Variants in PLXDC2 observed in about 807,000 individuals in gnomAD.
The protein encoded by PLXDC2 is plexin domain containing 2.
In PLXDC2, 40 loss-of-function variants were observed where a neutral mutation model predicts 68.9. The ratio of observed to expected loss-of-function variants is 0.58; its 90% CI spans 0.45 to 0.76. The LOEUF (loss-of-function observed/expected upper bound fraction) is 0.76, where lower values mean the gene tolerates loss of function less well. Ranked by LOEUF, PLXDC2 falls within the 30% of genes least tolerant of loss-of-function variation. The pLI, the probability that PLXDC2 is intolerant of heterozygous loss-of-function variation, is 0.00. For missense variants in PLXDC2, 644 were observed against 661.9 expected (o/e 0.97, Z 0.30); for synonymous variants, 243 against 234.2 (o/e 1.04, Z -0.34).
intron 2 of PLXDC2, among the ~76,000 whole-genome samples, chr10:20,038,362 G>A (rs962491265): frequency 6.6e-6 from 1 of 152,168 alleles, no homozygotes; most frequent in African/African-American, 2.4e-5. Flanking sequence ...AATTCTTGGG[G>A]AAATGATGAA....
At chr10:20,067,054 CT>C (rs1256354595) in intron 3 of PLXDC2, among the ~76,000 whole-genome samples, 4 of 151,916 alleles carry the variant, frequency 2.6e-5, no homozygotes, top group Admixed American at 6.6e-5. Flanking sequence ...TGTTTCTTGC[CT>C]GATAATAATA....
In PLXDC2 at chr10:20,082,759, A is replaced by G. The variant is rs80052942; in HGVS notation, c.541+14520A>G. On this transcript the variant is annotated intron_variant, in intron 4 of 13. Coordinates refer to ENST00000377252, the MANE Select transcript of PLXDC2 (RefSeq NM_032812.9). ...TGTATAAGGATATCCACTGCTAAAG[A>G]CTGAAAACCACCTAACGCCCATCAC... 3.7e-3 allele frequency among the ~76,000 whole-genome samples: 556 copies of G among 152,290 alleles called. 12 individuals carry two copies. In the East Asian group the frequency reaches 0.041, roughly 11 times the overall value.
intron 12 of PLXDC2, among the ~76,000 whole-genome samples, chr10:20,243,304 G>A (rs1012654981): frequency 6.6e-6 from 1 of 152,092 alleles, no homozygotes; most frequent in Admixed American, 6.5e-5. Flanking sequence ...AATAATAATA[G>A]TGCCTACCTC....
At chr10:20,005,723 G>A (rs1353517950) in intron 2 of PLXDC2, among the ~76,000 whole-genome samples, 1 of 152,046 alleles carries the variant, frequency 6.6e-6, no homozygotes, top group African/African-American at 2.4e-5. Flanking sequence ...TCTCCTCAAC[G>A]CACTCATCAC....
At chr10:20,162,065 AGAGAGAGAAGGAAGGAAGGAAGGAAG>A (rs1334849392) in intron 6 of PLXDC2, among the ~76,000 whole-genome samples, 4 of 50,424 alleles carry the variant, frequency 7.9e-5, no homozygotes, top group Non-Finnish European at 1.1e-4. Context: ...AGAGAGAGAG[AGAGAGAGAAGGAAGGAAGGAAGGAAG>A]GAAGGAAGGA....
At chr10:19,824,613 C>T (rs1212390193) in intron 1 of PLXDC2, among the ~76,000 whole-genome samples, 1 of 152,156 alleles carries the variant, frequency 6.6e-6, no homozygotes, top group Non-Finnish European at 1.5e-5. Flanking sequence ...CCCTCACTGC[C>T]TCCCACACAA....
At chr10:20,072,544 A>AAAGAAAGAAAGAAAGAAAG (rs1554764553) in intron 4 of PLXDC2, among the ~76,000 whole-genome samples, 3,621 of 117,810 alleles carry the variant, frequency 0.031, 129 homozygotes, top group South Asian at 0.05. Context: ...AGAAAGAAAG[A>AAAGAAAGAAAGAAAGAAAG]AAGAAAGAAA....
rs140648707 is a variant in PLXDC2 at position 20,218,249 on chromosome 10, C to T, written c.1273+673C>T. On this transcript the variant is annotated intron_variant, in intron 11 of 13. Transcript: ENST00000377252. ...GAGGGCAGAAACATAAGACTGGCCACGAATCAGGTTTGAGGGGGATAAATG... is the reference window on the plus strand; with the variant it reads ...GAGGGCAGAAACATAAGACTGGCCATGAATCAGGTTTGAGGGGGATAAATG... Among the ~76,000 whole-genome samples, 407 of 152,000 alleles carry T rather than the reference C, an allele frequency of 2.7e-3. 3 individuals are homozygous for T. Among genetic ancestry groups the T allele is most frequent in the African/African-American group, 9.5e-3 (393 of 41,428 alleles).
chr10:19,964,293 G>C (rs573518660), intron 1 of PLXDC2, among the ~76,000 whole-genome samples: 2 of 152,082 alleles, frequency 1.3e-5, no homozygotes, highest in African/African-American at 4.8e-5. Context: ...ATCTTTTGTC[G>C]GTTGGTTGGT....
chr10:20,001,898 G>A lies in PLXDC2; in HGVS notation c.236G>A (p.Arg79Gln), dbSNP rs745577270. 8.7e-6 allele frequency: 14 copies of A among 1,613,638 alleles called. No homozygotes were observed. The highest frequency in any genetic ancestry group is 4.0e-5 in the African/African-American group (3 of 74,880). Residue 79 changes from arginine (R) to glutamine (Q), a missense_variant, in exon 2 of 14, where the codon CGA (arginine) becomes CAA (glutamine). Coordinates refer to ENST00000377252, the MANE Select transcript of PLXDC2 (RefSeq NM_032812.9). ...LDFLKAVDTN[R>Q]ASVGQDSPEP... is the part of the protein sequence containing the mutation. ...TTTCTCAAGGCGGTAGACACGAACC[G>A]AGCAAGCGTCGGCCAAGACTCTCCT...
chr10:20,197,557 C>A (rs1447535795), intron 9 of PLXDC2, among the ~76,000 whole-genome samples: 1 of 152,074 alleles, frequency 6.6e-6, no homozygotes, highest in Non-Finnish European at 1.5e-5. Context: ...GGGGTTTCAC[C>A]ATGTTGGCCA....
At chr10:20,211,385 C>T (rs1835067412) in intron 9 of PLXDC2, among the ~76,000 whole-genome samples, 1 of 152,048 alleles carries the variant, frequency 6.6e-6, no homozygotes, top group Non-Finnish European at 1.5e-5. Context: ...TTGGTCTTAT[C>T]TTTGTGCAGG....
At position 20,177,386 on chromosome 10, in the gene PLXDC2, CAGTTGGTGT is replaced by C; in HGVS notation, c.1042_1050del (p.Trp348_Ser350del). 6.3e-7 allele frequency: 1 copy of C among 1,582,668 alleles called. No homozygotes were observed. The highest frequency in any genetic ancestry group is 8.7e-7 in the Non-Finnish European group (1 of 1,153,124). Reference sequence around the variant, plus strand: ...TATCTTCTCAGATTGGCTTCAACTGCAGTTGGTGTAGTAAACTTCAAAGGTAAAAATATA... The same window carrying C: ...TATCTTCTCAGATTGGCTTCAACTGCAGTAAACTTCAAAGGTAAAAATATA... On this transcript the variant is annotated inframe_deletion, in exon 9 of 14. Transcript: ENST00000377252.
intron 2 of PLXDC2, among the ~76,000 whole-genome samples, chr10:20,026,920 T>G (rs1835415896): frequency 1.9e-5 from 2 of 106,840 alleles, no homozygotes; most frequent in African/African-American, 7.2e-5. Context: ...TAATATATTC[T>G]AATATATAGA....
chr10:19,897,860 A>T (rs1838087301), intron 1 of PLXDC2, among the ~76,000 whole-genome samples: 1 of 152,120 alleles, frequency 6.6e-6, no homozygotes, highest in South Asian at 2.1e-4. Context: ...AACATTCATT[A>T]TTAGTAATAT....
intron 4 of PLXDC2, among the ~76,000 whole-genome samples, chr10:20,121,660 G>T (rs1404045086): frequency 6.6e-6 from 1 of 152,142 alleles, no homozygotes; most frequent in Non-Finnish European, 1.5e-5. Flanking sequence ...ATCCAGAACA[G>T]AATAATGGAT....
At chr10:20,082,599 G>T (rs1174459756) in intron 4 of PLXDC2, among the ~76,000 whole-genome samples, 1 of 152,192 alleles carries the variant, frequency 6.6e-6, no homozygotes, top group South Asian at 2.1e-4. Context: ...TTTCTATAAG[G>T]TATGGAGTAA....
intron 4 of PLXDC2, among the ~76,000 whole-genome samples, chr10:20,091,979 A>G (rs907747393): frequency 1.3e-5 from 2 of 152,250 alleles, no homozygotes; most frequent in Non-Finnish European, 2.9e-5. Context: ...CAGTTAATAC[A>G]TATTCACTGG....
intron 13 of PLXDC2, among the ~76,000 whole-genome samples, chr10:20,253,393 TAA>T (rs1835704459): frequency 6.7e-6 from 1 of 150,238 alleles, no homozygotes; most frequent in Non-Finnish European, 1.5e-5. Flanking sequence ...ATAATAATAA[TAA>T]TAATAATTTG....
Sources: allele counts gnomAD v4.1 joint callset (sites outside exome capture counted in the v4.1 genomes callset), GRCh38; gene constraint gnomAD v4.1.1; transcripts MANE v1.5; gene names NCBI Gene and HGNC (gene_info 2026-07-23, HGNC 2026-07-21).